The following CSMD1 variants were observed in gnomAD, a reference collection of about 807,000 sequenced individuals.
CSMD1 encodes CUB and sushi domain-containing protein 1.
In CSMD1, 213 loss-of-function variants were observed where a neutral mutation model predicts 417.5. The ratio of observed to expected loss-of-function variants is 0.51; its 90% CI spans 0.46 to 0.57. The LOEUF is 0.57. Among genes scored for constraint, CSMD1 ranks in the 20% least tolerant of loss-of-function variants. The pLI is 0.00. For synonymous variants in CSMD1, 2,862 were observed against 1,736.8 expected (o/e 1.65, Z -16.11); for missense variants, 6,923 against 4,529.7 (o/e 1.53, Z -15.17).
chr8:3,465,717 T>C (rs1480956856), intron 12 of CSMD1, among the ~76,000 whole-genome samples: 5 of 152,178 alleles, frequency 3.3e-5, no homozygotes, highest in East Asian at 1.9e-4. Context: ...GGGTGGCCTT[T>C]GGTAATGAGT....
intron 5 of CSMD1, among the ~76,000 whole-genome samples, chr8:3,922,542 A>C (rs1809349408): frequency 6.6e-6 from 1 of 152,186 alleles, no homozygotes; most frequent in South Asian, 2.1e-4. Flanking sequence ...TTGTATACCT[A>C]CTAGAGTTTT....
At chr8:3,447,318 G>C (rs1815365626) in intron 12 of CSMD1, among the ~76,000 whole-genome samples, 1 of 147,646 alleles carries the variant, frequency 6.8e-6, no homozygotes, top group Non-Finnish European at 1.5e-5. Context: ...TCCTAATTCA[G>C]TTTAGCAGTG....
intron 3 of CSMD1, among the ~76,000 whole-genome samples, chr8:4,152,679 G>C (rs933259888): frequency 2.0e-5 from 3 of 151,690 alleles, no homozygotes; most frequent in South Asian, 2.1e-4. Context: ...AACAGAGCGA[G>C]ACCTTGTCTC....
At chr8:3,496,770 G>C (rs2117319569) in intron 10 of CSMD1, among the ~76,000 whole-genome samples, 1 of 152,068 alleles carries the variant, frequency 6.6e-6, no homozygotes, top group Non-Finnish European at 1.5e-5. Flanking sequence ...AGGTTGCAGT[G>C]ACCTGAGATC....
At chr8:2,991,016 A>C (rs1743761976) in intron 54 of CSMD1, among the ~76,000 whole-genome samples, 1 of 152,176 alleles carries the variant, frequency 6.6e-6, no homozygotes. Context: ...AGCAATAGGA[A>C]TTGACTGCTG....
At chr8:4,168,513 G>C (rs756100901) in intron 3 of CSMD1, among the ~76,000 whole-genome samples, 3 of 152,056 alleles carry the variant, frequency 2.0e-5, no homozygotes, top group Non-Finnish European at 4.4e-5. Flanking sequence ...TGCAACACTA[G>C]ATTAAAATAA....
intron 4 of CSMD1, among the ~76,000 whole-genome samples, chr8:4,003,111 A>C (rs868322607): frequency 5.3e-5 from 8 of 152,320 alleles, no homozygotes; most frequent in Non-Finnish European, 1.0e-4. Context: ...AACAAGATAC[A>C]GGCTTGGCGC....
chr8:3,403,202 A>T (rs879597234), intron 15 of CSMD1, among the ~76,000 whole-genome samples: 2 of 152,206 alleles, frequency 1.3e-5, no homozygotes, highest in African/African-American at 2.4e-5. Flanking sequence ...ACTTTTCAAG[A>T]AAAACAATAA....
chr8:4,128,724 G>C (rs4392919), intron 3 of CSMD1, among the ~76,000 whole-genome samples: 1 of 151,798 alleles, frequency 6.6e-6, no homozygotes, highest in East Asian at 1.9e-4. Context: ...ATCCTTGCTG[G>C]ATACTTATAC....
At chr8:4,555,622 T>A (rs1047418724) in intron 2 of CSMD1, among the ~76,000 whole-genome samples, 4 of 152,154 alleles carry the variant, frequency 2.6e-5, no homozygotes, top group Non-Finnish European at 5.9e-5. Context: ...TATGGAGTGT[T>A]TTAATTCTTC....
intron 3 of CSMD1, among the ~76,000 whole-genome samples, chr8:4,074,106 G>A (rs562537643): frequency 6.6e-6 from 1 of 152,154 alleles, no homozygotes. Context: ...TATTAAGTGA[G>A]CTTAAATGGG....
At chr8:3,644,708 G>A (rs962275069) in intron 7 of CSMD1, among the ~76,000 whole-genome samples, 3 of 152,172 alleles carry the variant, frequency 2.0e-5, no homozygotes, top group Admixed American at 6.5e-5. Flanking sequence ...GAGTTACAGG[G>A]TTTATTTGTG....
rs375922124 is a variant in CSMD1 at position 4,942,931 on chromosome 8, T to C, written c.85+51401A>G. ...TGAAACAATGGTTTGGATTAGGTTA[T>C]AGATGATGGGTGTGCATTCAGGATT... On this transcript the variant is annotated intron_variant, in intron 1 of 69. Coordinates refer to ENST00000635120, the MANE Select transcript of CSMD1 (RefSeq NM_033225.6). Among the ~76,000 whole-genome samples the C allele has an allele frequency of 3.3e-5, 5 of 152,348 alleles. 1 individual carries two copies. Among genetic ancestry groups the C allele is most frequent in the East Asian group, 1.9e-4 (1 of 5,184 alleles).
At chr8:4,160,634 C>G (rs966656708) in intron 3 of CSMD1, among the ~76,000 whole-genome samples, 4 of 152,240 alleles carry the variant, frequency 2.6e-5, no homozygotes, top group African/African-American at 9.6e-5. Flanking sequence ...TGCAGACACT[C>G]TGGAAGTCTT....
At chr8:3,041,881 A>G (rs940869648) in intron 50 of CSMD1, among the ~76,000 whole-genome samples, 1 of 152,210 alleles carries the variant, frequency 6.6e-6, no homozygotes, top group Non-Finnish European at 1.5e-5. Flanking sequence ...GTACAGTACA[A>G]TCACGCAAAC....
intron 5 of CSMD1, among the ~76,000 whole-genome samples, chr8:3,972,109 G>C (rs1421243743): frequency 6.6e-6 from 1 of 152,074 alleles, no homozygotes; most frequent in African/African-American, 2.4e-5. Flanking sequence ...GGGCTCAAGA[G>C]ATCCTCCTGC....
intron 49 of CSMD1, among the ~76,000 whole-genome samples, chr8:3,062,816 CAG>C (rs1437062039): frequency 6.6e-6 from 1 of 152,168 alleles, no homozygotes; most frequent in Admixed American, 6.5e-5. Flanking sequence ...AATGTTTACT[CAG>C]GGGTAAATTG....
At chr8:3,118,339 T>G in intron 42 of CSMD1, 60 bp downstream of exon 42, 2 of 1,156,676 alleles carry the variant, frequency 1.7e-6, no homozygotes, top group Non-Finnish European at 2.5e-6. Context: ...CATTTAATAT[T>G]TAATGTGCTA....
At chr8:4,531,211 T>A (rs1349446368) in intron 2 of CSMD1, among the ~76,000 whole-genome samples, 3 of 152,196 alleles carry the variant, frequency 2.0e-5, no homozygotes, top group Admixed American at 6.5e-5. Flanking sequence ...GTACAGTTGT[T>A]TTGCCATTTT....
Sources: allele counts gnomAD v4.1 joint callset (sites outside exome capture counted in the v4.1 genomes callset), GRCh38; gene constraint gnomAD v4.1.1; transcripts MANE v1.5; gene names NCBI Gene and HGNC (gene_info 2026-07-23, HGNC 2026-07-21).